Variants in CACNA1E observed in about 807,000 individuals in gnomAD.
The protein encoded by CACNA1E is calcium voltage-gated channel subunit alpha1 E.
A neutral mutation model predicts 259.2 loss-of-function variants in CACNA1E; 40 were observed. The observed-to-expected ratio is 0.15, with a 90% confidence interval of 0.12 to 0.20. CACNA1E has a LOEUF of 0.20. Ranked by LOEUF, CACNA1E falls within the 10% of genes least tolerant of loss-of-function variation. CACNA1E has a pLI of 1.00. For synonymous variants in CACNA1E, 1,104 were observed against 1,138.5 expected (o/e 0.97, Z 0.61); for missense variants, 1,874 against 3,040.1 (o/e 0.62, Z 9.02).
At chr1:181,326,180 G>C (rs1467708199) in intron 1 of CACNA1E, among the ~76,000 whole-genome samples, 1 of 152,160 alleles carries the variant, frequency 6.6e-6, no homozygotes, top group Non-Finnish European at 1.5e-5. Context: ...GCTTTTTGAG[G>C]TACAGGAATT....
chr1:181,766,354 C>CCTAT (rs1420814735), intron 34 of CACNA1E, among the ~76,000 whole-genome samples, 192 bp from the exon 35 acceptor site: 1 of 152,150 alleles, frequency 6.6e-6, no homozygotes, highest in East Asian at 1.9e-4. Flanking sequence ...CAACTGTTTA[C>CCTAT]CTATCTGTCA....
intron 1 of CACNA1E, among the ~76,000 whole-genome samples, chr1:181,408,685 TC>T (rs1657635077): frequency 1.3e-5 from 2 of 152,074 alleles, no homozygotes; most frequent in South Asian, 4.2e-4. Flanking sequence ...CACCCCAGGA[TC>T]CCCATAATTT....
rs1659986607 is a variant in CACNA1E, at chr1:181,776,491, T to A, written c.5267+263T>A. Reference sequence around the variant, plus strand: ...TCATCATCCAGTCCTCACCTCAGATTATTTGGGCTCAGTCCCAAGAGAACT... The same window carrying A: ...TCATCATCCAGTCCTCACCTCAGATAATTTGGGCTCAGTCCCAAGAGAACT... On this transcript the variant is annotated intron_variant, in intron 38 of 47. Coordinates refer to ENST00000367573, the MANE Select transcript of CACNA1E (RefSeq NM_001205293.3). The surrounding 1 kb of genome is among the most constrained non-coding windows in gnomAD (Gnocchi z 4.4). 1 of 369,616 alleles carries A rather than the reference T, an allele frequency of 2.7e-6. No homozygotes were observed. Among genetic ancestry groups the A allele is most frequent in the South Asian group, 4.7e-5 (1 of 21,204 alleles). 22.9% of individuals were successfully genotyped at this position (369,616 alleles called of 1,614,324 possible). A position where few individuals can be genotyped will look rare whatever the true frequency, so the allele number is the denominator to read the frequency against.
intron 12 of CACNA1E, among the ~76,000 whole-genome samples, chr1:181,718,501 G>A (rs567002324): frequency 1.3e-4 from 19 of 151,962 alleles, no homozygotes; most frequent in African/African-American, 3.9e-4. Context: ...AGCCTGAAAA[G>A]GACAAAGGAC....
At chr1:181,692,778 A>G (rs867761670) in intron 7 of CACNA1E, among the ~76,000 whole-genome samples, 5 of 152,176 alleles carry the variant, frequency 3.3e-5, no homozygotes, top group Non-Finnish European at 5.9e-5. Context: ...AATTGCAATA[A>G]AAAACAATTG....
chr1:181,575,907 T>A (rs1047238536), intron 3 of CACNA1E, among the ~76,000 whole-genome samples: 3 of 152,212 alleles, frequency 2.0e-5, no homozygotes, highest in Admixed American at 2.0e-4. Context: ...TCTCGCTCTT[T>A]CTCTTTTTCT....
At chr1:181,682,768 A>T (rs1227546742) in intron 7 of CACNA1E, among the ~76,000 whole-genome samples, 1 of 152,122 alleles carries the variant, frequency 6.6e-6, no homozygotes, top group Non-Finnish European at 1.5e-5. Context: ...GTGAGTGGGG[A>T]GGTGCTACAC....
At position 181,758,045 on chromosome 1, in the gene CACNA1E, G is replaced by C. The variant is rs773600495; in HGVS notation, c.4428G>C (p.Val1476=). ...AGTACCGCGTGTGGCACTTTGTGGT[G>C]TCTCCGTCCTTTGAGTACACCATTA... ...TFQYRVWHFV[V]SPSFEYTIMA... is the part of the protein sequence containing the mutation. The change falls in exon 31 of 48, where the codon GTG becomes GTC. Residue 1476 remains valine, a synonymous_variant. Transcript: ENST00000367573. The surrounding 1 kb of genome is among the most constrained non-coding windows in gnomAD (Gnocchi z 4.2). The C allele has an allele frequency of 6.2e-7, 1 of 1,613,924 alleles. No homozygotes were observed. Among genetic ancestry groups the C allele is most frequent in the Non-Finnish European group, 8.5e-7 (1 of 1,179,870 alleles).
chr1:181,707,964 A>T (rs1347772790), intron 7 of CACNA1E, among the ~76,000 whole-genome samples: 1 of 152,176 alleles, frequency 6.6e-6, no homozygotes, highest in Non-Finnish European at 1.5e-5. Flanking sequence ...GAAGAGGTAG[A>T]CTGGAGGCCA....
At chr1:181,728,561 G>GCCCTGCAAAGACGTGTGCA (rs1655135365) in intron 18 of CACNA1E, among the ~76,000 whole-genome samples, 1 of 151,836 alleles carries the variant, frequency 6.6e-6, no homozygotes, top group Non-Finnish European at 1.5e-5. Flanking sequence ...AGATGTGTGT[G>GCCCTGCAAAGACGTGTGCA]CCCTGCAAAG....
chr1:181,433,515 C>G (rs1357757941), intron 2 of CACNA1E, among the ~76,000 whole-genome samples: 1 of 152,008 alleles, frequency 6.6e-6, no homozygotes, highest in Admixed American at 6.6e-5. Context: ...TTTTTTCTTT[C>G]ATTACAAAAG....
intron 1 of CACNA1E, among the ~76,000 whole-genome samples, chr1:181,503,910 A>C (rs1429184856): frequency 6.6e-6 from 1 of 152,214 alleles, no homozygotes. Flanking sequence ...GTCTTGAAGA[A>C]GATTCTGAAG....
At chr1:181,702,754 C>T (rs74768773) in intron 7 of CACNA1E, among the ~76,000 whole-genome samples, 1 of 152,182 alleles carries the variant, frequency 6.6e-6, no homozygotes, top group African/African-American at 2.4e-5. Context: ...TTCCTCACAT[C>T]TCTCATGTCA....
intron 16 of CACNA1E, 57 bp from the exon 17 acceptor site, chr1:181,724,413 A>G: frequency 1.4e-6 from 2 of 1,435,964 alleles, no homozygotes; most frequent in Non-Finnish European, 9.7e-7. Flanking sequence ...GTGGCCTCTC[A>G]GCCTTGCTGA....
rs1344654476 is a variant in CACNA1E at position 181,603,233 on chromosome 1, G to C, written c.951+22457G>C. ...ATATGCCAGGCGCTGTTCTAAGAGC[G>C]CTCTGTGGATATAAACCCAGTTAAT... On this transcript the variant is annotated intron_variant, in intron 6 of 47. Transcript: ENST00000367573. 7.9e-5 allele frequency among the ~76,000 whole-genome samples: 12 copies of C among 152,274 alleles called. No individual in the cohort carries two copies. The South Asian group carries it at 1.0e-3, about 13-fold the overall frequency.
chr1:181,618,709 G>C (rs747868454), intron 6 of CACNA1E, among the ~76,000 whole-genome samples: 2 of 152,210 alleles, frequency 1.3e-5, no homozygotes, highest in Non-Finnish European at 2.9e-5. Flanking sequence ...GATTCTGCTA[G>C]CCTGTGAATT....
intron 1 of CACNA1E, among the ~76,000 whole-genome samples, chr1:181,402,295 T>G (rs1657156667): frequency 6.6e-6 from 1 of 152,052 alleles, no homozygotes; most frequent in Admixed American, 6.5e-5. Flanking sequence ...TAGAGGGTGG[T>G]GTGAAGACCC....
At position 181,715,948 on chromosome 1, in the gene CACNA1E, C is replaced by G. The variant is rs547710125; in HGVS notation, c.1226-92C>G. 13 of 778,282 alleles carry G rather than the reference C, an allele frequency of 1.7e-5. No homozygotes were observed. In the South Asian group the frequency reaches 1.8e-4, roughly 11 times the overall value. The allele number at this position is 778,282 out of a possible 1,614,324, so 48.2% of individuals were successfully genotyped here. ...ATGCCTGTGTTACAGGGGCCTCACA[C>G]AAGGCATCTTGCCTGCATTCCTCAA... On this transcript the variant is annotated intron_variant, in intron 9 of 47. Coordinates refer to ENST00000367573, the MANE Select transcript of CACNA1E (RefSeq NM_001205293.3).
intron 16 of CACNA1E, among the ~76,000 whole-genome samples, 167 bp downstream of exon 16, chr1:181,722,042 C>T (rs972549975): frequency 5.3e-5 from 8 of 152,120 alleles, no homozygotes; most frequent in African/African-American, 1.9e-4. Flanking sequence ...ACTTTATGTA[C>T]TAGTTGGGTA....
Sources: allele counts gnomAD v4.1 joint callset (sites outside exome capture counted in the v4.1 genomes callset), GRCh38; gene constraint gnomAD v4.1.1; non-coding constraint Gnocchi (gnomAD v3.1); transcripts MANE v1.5; gene names NCBI Gene and HGNC (gene_info 2026-07-23, HGNC 2026-07-21).